Variants in KHDRBS3 observed in about 807,000 individuals in gnomAD.
The protein encoded by KHDRBS3 is KH RNA binding domain containing, signal transduction associated 3.
In KHDRBS3, 23 loss-of-function variants were observed where a neutral mutation model predicts 45.6. That is an observed-to-expected ratio of 0.50 (90% CI 0.36 to 0.72). KHDRBS3 has a LOEUF of 0.72. KHDRBS3 is among the 30% of genes least tolerant of loss of function. The probability of loss-of-function intolerance (pLI) is 0.00; values close to 1 mark genes in which losing one functional copy is unlikely to be tolerated. For missense variants in KHDRBS3, 352 were observed against 424.8 expected (o/e 0.83, Z 1.51); for synonymous variants, 162 against 156.5 (o/e 1.04, Z -0.26).
chr8:135,624,570 C>T (rs538759674), intron 7 of KHDRBS3, among the ~76,000 whole-genome samples: 5 of 152,306 alleles, frequency 3.3e-5, no homozygotes, highest in South Asian at 4.1e-4. Context: ...CTTTTTAGCA[C>T]GGATGCAGTT....
intron 1 of KHDRBS3, among the ~76,000 whole-genome samples, chr8:135,471,771 C>T (rs1822027333): frequency 6.6e-6 from 1 of 152,210 alleles, no homozygotes; most frequent in Non-Finnish European, 1.5e-5. Context: ...CCCTGTCTGG[C>T]TTACAGTGTG....
chr8:135,635,211 G>A (rs919480847), intron 7 of KHDRBS3, among the ~76,000 whole-genome samples: 16 of 152,112 alleles, frequency 1.1e-4, no homozygotes, highest in Admixed American at 4.6e-4. Context: ...GGTAAAAATT[G>A]TGGATTCTCA....
At chr8:135,561,844 G>A (rs1486733960) in intron 5 of KHDRBS3, among the ~76,000 whole-genome samples, 4 of 151,884 alleles carry the variant, frequency 2.6e-5, no homozygotes, top group Non-Finnish European at 5.9e-5. Context: ...AATTGCATAC[G>A]AAAACAGCTT....
intron 6 of KHDRBS3, among the ~76,000 whole-genome samples, chr8:135,584,043 G>C (rs1351926265): frequency 6.6e-6 from 1 of 152,180 alleles, no homozygotes; most frequent in Admixed American, 6.5e-5. Flanking sequence ...AAGATAATGG[G>C]ATAATGGCCC....
At chr8:135,505,875 ACT>A (rs1823970368) in intron 1 of KHDRBS3, among the ~76,000 whole-genome samples, 1 of 151,610 alleles carries the variant, frequency 6.6e-6, no homozygotes, top group South Asian at 2.1e-4. Flanking sequence ...TAGAACCATC[ACT>A]CTGATCTGCT....
At chr8:135,567,269 A>G (rs1237204159) in intron 5 of KHDRBS3, among the ~76,000 whole-genome samples, 1 of 151,956 alleles carries the variant, frequency 6.6e-6, no homozygotes, top group Non-Finnish European at 1.5e-5. Flanking sequence ...AGATACAGAG[A>G]ATAAAGGCGT....
intron 2 of KHDRBS3, among the ~76,000 whole-genome samples, chr8:135,535,274 T>TTATACCTGTTACTTGCAAATAGGG (rs1825681698): frequency 7.3e-6 from 1 of 136,392 alleles, no homozygotes; most frequent in African/African-American, 2.7e-5. Flanking sequence ...TATATATAGT[T>TTATACCTGTTACTTGCAAATAGGG]AAACTATATA....
At chr8:135,498,921 G>A (rs1823594115) in intron 1 of KHDRBS3, among the ~76,000 whole-genome samples, 1 of 152,030 alleles carries the variant, frequency 6.6e-6, no homozygotes, top group African/African-American at 2.4e-5. Context: ...ACAGAACTGG[G>A]TATTGTTTTA....
At chr8:135,494,194 T>G (rs1371023767) in intron 1 of KHDRBS3, among the ~76,000 whole-genome samples, 1 of 151,888 alleles carries the variant, frequency 6.6e-6, no homozygotes, top group Non-Finnish European at 1.5e-5. Flanking sequence ...AACTTTTGGT[T>G]TTATTATTTT....
At chr8:135,523,513 T>A (rs560229730) in intron 2 of KHDRBS3, among the ~76,000 whole-genome samples, 24 of 152,316 alleles carry the variant, frequency 1.6e-4, no homozygotes, top group African/African-American at 5.8e-4. Flanking sequence ...TTTTGTAGAC[T>A]TCTTAGGATT....
chr8:135,484,641 G>A (rs1413508687), intron 1 of KHDRBS3, among the ~76,000 whole-genome samples: 1 of 152,222 alleles, frequency 6.6e-6, no homozygotes, highest in Non-Finnish European at 1.5e-5. Context: ...TAACATGTAT[G>A]TTTGCTCATT....
intron 7 of KHDRBS3, chr8:135,626,043 T>A: frequency 1.7e-6 from 1 of 587,596 alleles, no homozygotes; most frequent in East Asian, 2.7e-5. Flanking sequence ...AGTTCCTTAC[T>A]TTTTAGGCAA....
intron 1 of KHDRBS3, among the ~76,000 whole-genome samples, chr8:135,506,916 A>G (rs575186581): frequency 4.0e-5 from 6 of 151,886 alleles, no homozygotes; most frequent in Non-Finnish European, 8.8e-5. Context: ...CTCCTGAATC[A>G]TTTATCCTGT....
At position 135,536,990 on chromosome 8, in the gene KHDRBS3, AAAAAAAAG is replaced by A. The variant is rs1165794315; in HGVS notation, c.208-5663_208-5656del. 2.3e-4 allele frequency among the ~76,000 whole-genome samples: 10 copies of A among 43,002 alleles called. 2 individuals are homozygous for A. The highest frequency in any genetic ancestry group is 1.1e-3 in the African/African-American group (8 of 7,302). The allele number at this position is 43,002 out of a possible 152,430, so 28.2% of individuals were successfully genotyped here. A position where few individuals can be genotyped will look rare whatever the true frequency, so the allele number is the denominator to read the frequency against. Reference sequence around the variant, plus strand: ...TCAAAAAAAAAAAAAAAAAAAAAAAAAAAAAAAGGAGATGTTTAGGAGGTAAAATCATT... The same window carrying A: ...TCAAAAAAAAAAAAAAAAAAAAAAAAGAGATGTTTAGGAGGTAAAATCATT... On this transcript the variant is annotated intron_variant, in intron 2 of 8. Transcript: ENST00000355849.
At chr8:135,570,590 A>G (rs556872510) in intron 5 of KHDRBS3, among the ~76,000 whole-genome samples, 4 of 152,314 alleles carry the variant, frequency 2.6e-5, no homozygotes, top group African/African-American at 9.6e-5. Context: ...AAATAAAAGA[A>G]CACTCCATTG....
At chr8:135,520,086 A>G (rs936358304) in intron 1 of KHDRBS3, among the ~76,000 whole-genome samples, 5 of 151,990 alleles carry the variant, frequency 3.3e-5, no homozygotes, top group African/African-American at 1.2e-4. Flanking sequence ...ACCTCTTTGA[A>G]CCTCCTCTTT....
intron 1 of KHDRBS3, among the ~76,000 whole-genome samples, chr8:135,499,100 G>T (rs912686361): frequency 1.3e-5 from 2 of 152,184 alleles, no homozygotes. Context: ...GGTAAAAGAG[G>T]TGGAACATGG....
chr8:135,646,514 C>A (rs2131206926), intron 8 of KHDRBS3, among the ~76,000 whole-genome samples: 1 of 152,342 alleles, frequency 6.6e-6, no homozygotes, highest in South Asian at 2.1e-4. Flanking sequence ...TTCCCTTTCT[C>A]AGTCTGCCCC....
chr8:135,544,271 T>C (rs1826182876), intron 3 of KHDRBS3, among the ~76,000 whole-genome samples: 3 of 152,154 alleles, frequency 2.0e-5, no homozygotes, highest in Non-Finnish European at 4.4e-5. Context: ...AGCAGTGTTT[T>C]GTAGCATACA....
Sources: allele counts gnomAD v4.1 joint callset (sites outside exome capture counted in the v4.1 genomes callset), GRCh38; gene constraint gnomAD v4.1.1; transcripts MANE v1.5; gene names NCBI Gene and HGNC (gene_info 2026-07-23, HGNC 2026-07-21).